Variants in KCNB2 observed in about 807,000 individuals in gnomAD.
The protein encoded by KCNB2 is potassium voltage-gated channel subfamily B member 2.
Under a neutral mutation model 61.5 loss-of-function variants are expected in KCNB2, and 15 were observed. The observed-to-expected ratio is 0.24, with a 90% CI of 0.16 to 0.38. The LOEUF (loss-of-function observed/expected upper bound fraction) is 0.38. Ranked by LOEUF, KCNB2 falls within the 10% of genes least tolerant of loss-of-function variation. The pLI, the probability that KCNB2 is intolerant of heterozygous loss-of-function variation, is 1.00. For synonymous variants in KCNB2, 457 were observed against 446.0 expected (o/e 1.02, Z -0.31); for missense variants, 828 against 1,125.2 (o/e 0.74, Z 3.78).
intron 2 of KCNB2, among the ~76,000 whole-genome samples, chr8:72,846,375 C>G (rs1010984375): frequency 6.6e-6 from 1 of 152,004 alleles, no homozygotes; most frequent in African/African-American, 2.4e-5. Flanking sequence ...ACTAAAATAC[C>G]GAAAGCAATG....
Position 72,859,149 on chromosome 8 carries a change from G to C in KCNB2, c.580-76786G>C, listed in dbSNP as rs557109516. Among the ~76,000 whole-genome samples the C allele has an allele frequency of 7.2e-5, 11 of 152,230 alleles. No homozygotes were observed. In the South Asian group the frequency reaches 2.1e-3, roughly 29 times the overall value. On this transcript the variant is annotated intron_variant, in intron 2 of 2. Coordinates refer to ENST00000523207, the MANE Select transcript of KCNB2 (RefSeq NM_004770.3). ...TGTGAATCTGGGACACAAATGTTTGGTCTCTCTGGGCCCCTATGAGGAAGA... is the reference window on the plus strand; with the variant it reads ...TGTGAATCTGGGACACAAATGTTTGCTCTCTCTGGGCCCCTATGAGGAAGA...
chr8:72,807,777 C>T (rs918780760), intron 2 of KCNB2, among the ~76,000 whole-genome samples: 11 of 152,084 alleles, frequency 7.2e-5, no homozygotes, highest in African/African-American at 2.7e-4. Context: ...TCACGCATTT[C>T]TTCAGGATAA....
At chr8:72,568,536 G>A (rs1002399005) in intron 2 of KCNB2, among the ~76,000 whole-genome samples, 2 of 152,196 alleles carry the variant, frequency 1.3e-5, no homozygotes, top group African/African-American at 4.8e-5. Flanking sequence ...ATTGTCTGTA[G>A]AAAGGGGCCT....
At chr8:72,807,226 G>A (rs1319547590) in intron 2 of KCNB2, among the ~76,000 whole-genome samples, 1 of 152,222 alleles carries the variant, frequency 6.6e-6, no homozygotes, top group Non-Finnish European at 1.5e-5. Context: ...ACGCAGCCAT[G>A]TAGGTTATGT....
chr8:72,800,287 C>T (rs1809103310), intron 2 of KCNB2, among the ~76,000 whole-genome samples: 1 of 152,068 alleles, frequency 6.6e-6, no homozygotes, highest in South Asian at 2.1e-4. Flanking sequence ...TATAACTATC[C>T]TCCTTCAAGA....
chr8:72,716,267 A>C (rs1317732368), intron 2 of KCNB2, among the ~76,000 whole-genome samples: 2 of 152,136 alleles, frequency 1.3e-5, no homozygotes, highest in African/African-American at 2.4e-5. Context: ...TTCTGAAACT[A>C]TTCCAATCAA....
intron 2 of KCNB2, among the ~76,000 whole-genome samples, chr8:72,874,696 C>A (rs190704990): frequency 6.6e-6 from 1 of 152,236 alleles, no homozygotes; most frequent in Non-Finnish European, 1.5e-5. Flanking sequence ...ACATCTGTTG[C>A]AGTCCTACAA....
At chr8:72,771,331 T>C (rs1337414465) in intron 2 of KCNB2, among the ~76,000 whole-genome samples, 1 of 152,230 alleles carries the variant, frequency 6.6e-6, no homozygotes, top group African/African-American at 2.4e-5. Context: ...TTAATTTGCC[T>C]GCCTGCAGAT....
intron 2 of KCNB2, among the ~76,000 whole-genome samples, chr8:72,752,816 C>A (rs1333046135): frequency 2.6e-5 from 4 of 152,154 alleles, no homozygotes; most frequent in Non-Finnish European, 5.9e-5. Context: ...GATCATTACT[C>A]CAATTTCCAA....
At chr8:72,739,780 G>T (rs1245757045) in intron 2 of KCNB2, among the ~76,000 whole-genome samples, 1 of 152,002 alleles carries the variant, frequency 6.6e-6, no homozygotes, top group Non-Finnish European at 1.5e-5. Context: ...AAATAGAAAG[G>T]GTACTCAATC....
At chr8:72,850,190 AGTGTGTGT>A (rs745821437) in intron 2 of KCNB2, among the ~76,000 whole-genome samples, 2 of 87,950 alleles carry the variant, frequency 2.3e-5, no homozygotes, top group Admixed American at 1.3e-4. Flanking sequence ...AGTGTATGTA[AGTGTGTGT>A]GTGTGTGTGT....
At position 72,578,242 on chromosome 8, in the gene KCNB2, T is replaced by A. The variant is rs74851049; in HGVS notation, c.579+9929T>A. ...CATAATATCCCTGTGGTGAACAACCTGTTCTATTTCAGTGCATTTTTTAGT... is the reference window on the plus strand; with the variant it reads ...CATAATATCCCTGTGGTGAACAACCAGTTCTATTTCAGTGCATTTTTTAGT... On this transcript the variant is annotated intron_variant, in intron 2 of 2. Transcript: ENST00000523207. Among the ~76,000 whole-genome samples the A allele has an allele frequency of 4.7e-3, 710 of 152,310 alleles. 7 individuals carry two copies. The highest frequency in any genetic ancestry group is 0.016 in the African/African-American group (655 of 41,556).
Position 72,938,107 on chromosome 8 carries a change from A to G in KCNB2, c.*16A>G. 2 of 1,551,432 alleles carry G rather than the reference A, an allele frequency of 1.3e-6. No individual in the cohort carries two copies. On this transcript the variant is annotated 3_prime_UTR_variant, in exon 3 of 3. Transcript: ENST00000523207. ...CAGCATGTGACTAGTTACAAAAGCAATAAATTGAAACAAAACAAAACAAAA... is the reference window on the plus strand; with the variant it reads ...CAGCATGTGACTAGTTACAAAAGCAGTAAATTGAAACAAAACAAAACAAAA...
chr8:72,634,098 T>G (rs896491889), intron 2 of KCNB2, among the ~76,000 whole-genome samples: 59 of 152,214 alleles, frequency 3.9e-4, no homozygotes, highest in African/African-American at 1.4e-3. Flanking sequence ...TAAATCTGGT[T>G]GATGTCCACG....
chr8:72,839,910 G>C (rs535649131), intron 2 of KCNB2, among the ~76,000 whole-genome samples: 94 of 151,274 alleles, frequency 6.2e-4, no homozygotes, highest in African/African-American at 2.2e-3. Flanking sequence ...ACCGTGCCCA[G>C]CCTTTTTTTT....
intron 2 of KCNB2, among the ~76,000 whole-genome samples, chr8:72,648,027 T>C (rs942913551): frequency 3.3e-5 from 5 of 152,082 alleles, no homozygotes; most frequent in African/African-American, 1.2e-4. Flanking sequence ...TAGAATGAAC[T>C]GTATATTCTT....
In KCNB2 at chr8:72,796,372, A is replaced by C. The variant is rs1174927677; in HGVS notation, c.580-139563A>C. On this transcript the variant is annotated intron_variant, in intron 2 of 2. Transcript: ENST00000523207. ...TGATCTTATGTATTAAAGGATATAA[A>C]GATAAATATGTTTGCTCCTTTTTTA... Among the ~76,000 whole-genome samples, 3 of 152,344 alleles carry C rather than the reference A, an allele frequency of 2.0e-5. No individual in the cohort carries two copies. The East Asian group carries it at 5.8e-4, about 29-fold the overall frequency.
chr8:72,783,731 G>T (rs189729627), intron 2 of KCNB2, among the ~76,000 whole-genome samples: 9 of 152,248 alleles, frequency 5.9e-5, no homozygotes, highest in Admixed American at 2.6e-4. Flanking sequence ...CCTGCCTTTT[G>T]TTTCCTGCGT....
chr8:72,583,422 T>A (rs919657616), intron 2 of KCNB2, among the ~76,000 whole-genome samples: 1 of 152,168 alleles, frequency 6.6e-6, no homozygotes. Flanking sequence ...TTTTGAGTTT[T>A]TAGTAGATTG....
Sources: gnomAD v4.1 joint callset for allele counts (sites outside exome capture counted in the v4.1 genomes callset) on GRCh38, gnomAD v4.1.1 for gene constraint, MANE v1.5 for transcripts, NCBI Gene and HGNC (gene_info 2026-07-23, HGNC 2026-07-21) for gene names.